Variants in PRPF6 observed in about 807,000 individuals in gnomAD.
PRPF6 encodes pre-mRNA-processing factor 6.
In PRPF6, 42 loss-of-function variants were observed where a neutral mutation model predicts 118.3. That is an observed-to-expected ratio of 0.35 (90% CI 0.28 to 0.46). The LOEUF (loss-of-function observed/expected upper bound fraction) is 0.46. Among genes scored for constraint, PRPF6 ranks in the 20% least tolerant of loss-of-function variants. PRPF6 has a pLI of 1.00. For missense variants in PRPF6, 662 were observed against 1,255.7 expected (o/e 0.53, Z 7.15); for synonymous variants, 481 against 485.1 (o/e 0.99, Z 0.11).
chr20:64,025,911 T>C (rs1466886713), intron 14 of PRPF6, 28 bp from the exon 15 acceptor site: 1 of 1,613,444 alleles, frequency 6.2e-7, no homozygotes, highest in Non-Finnish European at 8.5e-7. Context: ...TTCTGACCCC[T>C]CTTGACGCTG....
At chr20:64,017,663 G>A (rs552378014) in intron 12 of PRPF6, among the ~76,000 whole-genome samples, 2 of 152,338 alleles carry the variant, frequency 1.3e-5, no homozygotes, top group Admixed American at 6.5e-5. Flanking sequence ...GATCACAGGC[G>A]TGAGGCGCCA....
At chr20:63,981,848 G>A (rs1403991287) in intron 1 of PRPF6, among the ~76,000 whole-genome samples, 1 of 152,046 alleles carries the variant, frequency 6.6e-6, no homozygotes, top group Non-Finnish European at 1.5e-5. Context: ...GCTCACTAAG[G>A]AGGGTTTGCT....
rs2059307164 is a variant in PRPF6, at chr20:64,029,808, G to T, written c.2546+317G>T. 6.8e-6 allele frequency among the ~76,000 whole-genome samples: 1 copy of T among 146,456 alleles called. No homozygotes were observed. Among genetic ancestry groups the T allele is most frequent in the Non-Finnish European group, 1.5e-5 (1 of 65,560 alleles). On this transcript the variant is annotated intron_variant, in intron 19 of 20. Transcript: ENST00000266079. The surrounding 1 kb of genome is among the most constrained non-coding windows in gnomAD (Gnocchi z 4.8). ...GGCCGCCAGGTCAGAGACTCACCGG[G>T]GACGCATGTGATTCACACTGGTGCT...
chr20:63,988,760 T>A (rs1250252999), intron 3 of PRPF6, among the ~76,000 whole-genome samples: 1 of 151,636 alleles, frequency 6.6e-6, no homozygotes, highest in Admixed American at 6.6e-5. Context: ...TCCCAGCTAC[T>A]TGGGAGGCTG....
chr20:64,026,635 T>C lies in PRPF6; in HGVS notation c.2029-347T>C, dbSNP rs2059292345. ...AGTTCGACACCAGCCTGACCAACTC[T>C]GCTAAAAATACAAAATTAGCTGGGT... On this transcript the variant is annotated intron_variant, in intron 15 of 20. Transcript: ENST00000266079. The surrounding 1 kb of genome is among the most constrained non-coding windows in gnomAD (Gnocchi z 4.4). Among the ~76,000 whole-genome samples, 1 of 151,960 alleles carries C rather than the reference T, an allele frequency of 6.6e-6. No individual in the cohort carries two copies. The highest frequency in any genetic ancestry group is 1.5e-5 in the Non-Finnish European group (1 of 68,000).
At chr20:64,000,957 A>G (rs2059163859) in intron 8 of PRPF6, 120 bp from the exon 9 acceptor site, 8 of 1,033,622 alleles carry the variant, frequency 7.7e-6, no homozygotes, top group Non-Finnish European at 1.0e-5. Context: ...TTAGAGGCTG[A>G]GCTAATTGGC....
chr20:64,006,658 G>A (rs185366947), intron 9 of PRPF6, among the ~76,000 whole-genome samples: 227 of 152,266 alleles, frequency 1.5e-3, no homozygotes, highest in Non-Finnish European at 1.7e-3. Flanking sequence ...CCAAGGAGGC[G>A]GAGACGGGAC....
rs1263456087 is a variant in PRPF6 at position 64,011,591 on chromosome 20, T to A, written c.1524+88T>A. On this transcript the variant is annotated intron_variant, in intron 11 of 20. Coordinates refer to ENST00000266079, the MANE Select transcript of PRPF6 (RefSeq NM_012469.4). The surrounding 1 kb of genome is among the most constrained non-coding windows in gnomAD (Gnocchi z 6.7). ...CCACGCAGGACTGGGGGTTGCTGGA[T>A]GGTACTGGGGAGTCCTGTGCCAAAC... The A allele has an allele frequency of 2.8e-6, 4 of 1,439,154 alleles. No individual in the cohort carries two copies. In the African/African-American group the frequency reaches 4.2e-5, roughly 15 times the overall value. 89.1% of individuals were successfully genotyped at this position (1,439,154 alleles called of 1,614,324 possible).
At chr20:64,017,653 G>C (rs1437172182) in intron 12 of PRPF6, among the ~76,000 whole-genome samples, 4 of 152,372 alleles carry the variant, frequency 2.6e-5, no homozygotes, top group Non-Finnish European at 4.4e-5. Flanking sequence ...AGAGTGCTGG[G>C]ATCACAGGCG....
chr20:64,013,405 G>A (rs2059223627), intron 11 of PRPF6, among the ~76,000 whole-genome samples: 1 of 152,086 alleles, frequency 6.6e-6, no homozygotes, highest in Non-Finnish European at 1.5e-5. Context: ...TTTTATGACA[G>A]TTTGTCTTTC....
At position 64,011,580 on chromosome 20, in the gene PRPF6, G is replaced by A. The variant is rs895282566; in HGVS notation, c.1524+77G>A. Reference sequence around the variant, plus strand: ...ACGTGAGAGTCCCACGCAGGACTGGGGGTTGCTGGATGGTACTGGGGAGTC... The same window carrying A: ...ACGTGAGAGTCCCACGCAGGACTGGAGGTTGCTGGATGGTACTGGGGAGTC... On this transcript the variant is annotated intron_variant, in intron 11 of 20. Coordinates refer to ENST00000266079, the MANE Select transcript of PRPF6 (RefSeq NM_012469.4). The surrounding 1 kb of genome is among the most constrained non-coding windows in gnomAD (Gnocchi z 6.7). The A allele has an allele frequency of 1.5e-5, 22 of 1,488,746 alleles. No homozygotes were observed. The highest frequency in any genetic ancestry group is 7.4e-5 in the East Asian group (3 of 40,736). 92.2% of individuals were successfully genotyped at this position (1,488,746 alleles called of 1,614,324 possible). A position where few individuals can be genotyped will look rare whatever the true frequency, so the allele number is the denominator to read the frequency against.
At position 64,021,289 on chromosome 20, in the gene PRPF6, C is replaced by CGTGT. The variant is rs58839408; in HGVS notation, c.1648-1452_1648-1449dup. The stretch of plus-strand genomic sequence containing the variant: ...CCTATGCCTTGGCCACAGCCCCGTG[C>CGTGT]GTGTGTGTGTGTGTGTGTGCATGTA... On this transcript the variant is annotated intron_variant, in intron 12 of 20. Coordinates refer to ENST00000266079, the MANE Select transcript of PRPF6 (RefSeq NM_012469.4). 6.3e-3 allele frequency among the ~76,000 whole-genome samples: 882 copies of CGTGT among 138,990 alleles called. 12 individuals are homozygous for CGTGT. The highest frequency in any genetic ancestry group is 0.022 in the African/African-American group (850 of 38,252). The allele number at this position is 138,990 out of a possible 152,430, so 91.2% of individuals were successfully genotyped here.
At chr20:63,993,330 T>C in intron 3 of PRPF6, 77 bp from the exon 4 acceptor site, 5 of 1,031,062 alleles carry the variant, frequency 4.8e-6, no homozygotes, top group South Asian at 3.9e-5. Flanking sequence ...TTTTTGGTGA[T>C]TTAATTGAGA....
At chr20:64,001,010 TGCCTGCTGCCCTGTTGCG>T (rs2059164086) in intron 8 of PRPF6, 49 bp from the exon 9 acceptor site, 6 of 1,549,298 alleles carry the variant, frequency 3.9e-6, no homozygotes, top group Non-Finnish European at 5.3e-6. Flanking sequence ...TGGAGATCTG[TGCCTGCTGCCCTGTTGCG>T]GCTTCCAGCC....
chr20:63,990,505 CTG>C (rs907618191), intron 3 of PRPF6, among the ~76,000 whole-genome samples: 4 of 150,728 alleles, frequency 2.7e-5, no homozygotes, highest in African/African-American at 9.8e-5. Flanking sequence ...GGATCTTACT[CTG>C]TCACCCAGGG....
At chr20:64,002,635 C>CAGAT (rs1381644802) in intron 9 of PRPF6, among the ~76,000 whole-genome samples, 2 of 147,560 alleles carry the variant, frequency 1.4e-5, no homozygotes, top group Middle Eastern at 3.7e-3. Flanking sequence ...TGTGCCTGGC[C>CAGAT]TTTTCTTTTC....
chr20:64,032,170 C>A, intron 20 of PRPF6, 126 bp downstream of exon 20: 1 of 1,461,186 alleles, frequency 6.8e-7, no homozygotes, highest in Non-Finnish European at 9.4e-7. Context: ...GGAGGATGGA[C>A]CGGGTGTGTG....
chr20:63,985,108 A>T, intron 3 of PRPF6, 83 bp downstream of exon 3: 2 of 1,107,568 alleles, frequency 1.8e-6, no homozygotes, highest in Middle Eastern at 2.6e-4. Flanking sequence ...TCACGTGTGT[A>T]ATCCTAGCAC....
intron 12 of PRPF6, among the ~76,000 whole-genome samples, chr20:64,021,969 A>G (rs2059268521): frequency 7.2e-6 from 1 of 139,494 alleles, no homozygotes; most frequent in African/African-American, 3.0e-5. Context: ...GCACGTATGC[A>G]TATGCCTCGG....
Sources: allele counts gnomAD v4.1 joint callset (sites outside exome capture counted in the v4.1 genomes callset), GRCh38; gene constraint gnomAD v4.1.1; non-coding constraint Gnocchi (gnomAD v3.1); transcripts MANE v1.5; gene names NCBI Gene and HGNC (gene_info 2026-07-23, HGNC 2026-07-21).